Variants in TAF9 observed in about 807,000 individuals in gnomAD.
TAF9 encodes transcription initiation factor TFIID subunit 9.
In TAF9, 10 loss-of-function variants were observed where a neutral mutation model predicts 16.5. The ratio of observed to expected loss-of-function variants is 0.61; its 90% CI spans 0.37 to 1.03. The LOEUF (loss-of-function observed/expected upper bound fraction) is 1.03, where lower values mean the gene tolerates loss of function less well. Ranked by LOEUF, TAF9 falls within the 50% of genes least tolerant of loss-of-function variation. The probability of loss-of-function intolerance (pLI) is 0.01; values close to 1 mark genes in which losing one functional copy is unlikely to be tolerated. For synonymous variants in TAF9, 105 were observed against 120.5 expected, an observed-to-expected ratio of 0.87 and a Z score of 0.84; for missense variants, 288 against 319.1, an observed-to-expected ratio of 0.90 and a Z score of 0.74.
At chr5:69,369,424 C>A (rs1245333945) in intron 1 of TAF9, 39 bp downstream of exon 1, 2 of 1,603,958 alleles carry the variant, frequency 1.2e-6, no homozygotes, top group African/African-American at 1.3e-5. Context: ...GCGCCCCCAG[C>A]CTGCCCCAGC....
chr5:69,369,083 G>A, intron 1 of TAF9: 1 of 330,758 alleles, frequency 3.0e-6, no homozygotes. Flanking sequence ...CCGGGAAGCA[G>A]ATATGGCCTT....
In TAF9 at chr5:69,365,286, C is replaced by T. The variant is rs1762372301; in HGVS notation, c.452G>A (p.Gly151Asp). The change falls in exon 3 of 3, where the codon GGT becomes GAT. Residue 151 changes from glycine to aspartate, a missense_variant. By Grantham distance (94) the Gly-to-Asp change is moderately conservative. Transcript: ENST00000217893. Reference sequence around the variant, plus strand: ...AGTACTTGGTCTGCTAGTAACTGAACCAACACTTAACCGCGGGACTGTTAT... The same window carrying T: ...AGTACTTGGTCTGCTAGTAACTGAATCAACACTTAACCGCGGGACTGTTAT... ...GRITVPRLSV[G>D]SVTSRPSTPT... The T allele has an allele frequency of 6.2e-7, 1 of 1,614,052 alleles. No homozygotes were observed. The highest frequency in any genetic ancestry group is 1.7e-5 in the Admixed American group (1 of 59,986).
At position 69,365,260 on chromosome 5, in the gene TAF9, G is replaced by A. The variant is rs372574875; in HGVS notation, c.478C>T (p.Pro160Ser). ...VGSVTSRPST[P>S]TLGTPTPQTM... ...TGTGGGGTTGGTGTGCCTAGTGTGG[G>A]AGTACTTGGTCTGCTAGTAACTGAA... Residue 160 changes from proline (P) to serine (S), a missense_variant, in exon 3 of 3, where the codon CCC (proline) becomes TCC (serine). Physicochemically the swap from Pro to Ser is moderately conservative, Grantham distance 74. Coordinates refer to ENST00000217893, the MANE Select transcript of TAF9 (RefSeq NM_003187.5). 1 of 1,614,154 alleles carries A rather than the reference G, an allele frequency of 6.2e-7. No individual in the cohort carries two copies. The highest frequency in any genetic ancestry group is 8.5e-7 in the Non-Finnish European group (1 of 1,180,028).
chr5:69,368,727 C>T (rs1041990819), intron 1 of TAF9: 1 of 152,120 alleles, frequency 6.6e-6, no homozygotes, highest in Non-Finnish European at 1.5e-5. Context: ...CACGAATGGC[C>T]TACAATTTGA....
At position 69,365,760 on chromosome 5, in the gene TAF9, G is replaced by A. The variant is rs1762393793; in HGVS notation, c.-17-6C>T. On this transcript the variant is annotated splice_region_variant and splice_polypyrimidine_tract_variant and intron_variant, in intron 2 of 2. Transcript: ENST00000217893. The stretch of plus-strand genomic sequence containing the variant: ...CATGATATCCGATGATCAGACTTTA[G>A]ATCATTTGAAAAAAATATGTACATT... 1.3e-6 allele frequency: 2 copies of A among 1,498,746 alleles called. No homozygotes were observed. Among genetic ancestry groups the A allele is most frequent in the South Asian group, 2.9e-5 (2 of 70,002 alleles). 92.8% of individuals were successfully genotyped at this position (1,498,746 alleles called of 1,614,324 possible). A position where few individuals can be genotyped will look rare whatever the true frequency, so the allele number is the denominator to read the frequency against.
At chr5:69,365,843 A>C (rs1330530937) in intron 2 of TAF9, 89 bp from the exon 3 acceptor site, 4 of 998,450 alleles carry the variant, frequency 4.0e-6, no homozygotes, top group South Asian at 2.9e-5. Flanking sequence ...AAAAATTTTA[A>C]ATCTATGTTA....
rs2150738303 is a variant in TAF9, at chr5:69,365,047, T to C, written c.691A>G (p.Met231Val). The C allele has an allele frequency of 6.2e-7, 1 of 1,614,216 alleles. No homozygotes were observed. The highest frequency in any genetic ancestry group is 8.5e-7 in the Non-Finnish European group (1 of 1,180,014). ...SKNILITTNM[M>V]SSQNTANESS... is the part of the protein sequence containing the mutation. ...TCATTGGCAGTATTTTGTGATGACA[T>C]CATATTAGTGGTAATAAGAATGTTT... Residue 231 changes from methionine to valine, a missense_variant, in exon 3 of 3, where the codon ATG becomes GTG. Met to Val is a conservative substitution (Grantham distance 21, BLOSUM62 1). Transcript: ENST00000217893.
rs756811975 is a variant in TAF9 at position 69,365,149 on chromosome 5, G to A, written c.589C>T (p.Pro197Ser). Reference protein sequence around the residue: ...FTVQMPTSQSPAVKASIPATS... With the variant: ...FTVQMPTSQSSAVKASIPATS... Reference sequence around the variant, plus strand: ...GCAGGAATTGAAGCTTTTACAGCTGGAGACTGAGAAGTAGGCATCTGTACT... The same window carrying A: ...GCAGGAATTGAAGCTTTTACAGCTGAAGACTGAGAAGTAGGCATCTGTACT... The change falls in exon 3 of 3, where the codon CCA (proline) becomes TCA (serine). Residue 197 changes from proline to serine, a missense_variant. Physicochemically the swap from Pro to Ser is moderately conservative, Grantham distance 74. Transcript: ENST00000217893. The A allele has an allele frequency of 1.5e-5, 24 of 1,614,072 alleles. No individual in the cohort carries two copies. Among genetic ancestry groups the A allele is most frequent in the Non-Finnish European group, 1.7e-5 (20 of 1,180,028 alleles).
upstream of TAF9, chr5:69,369,583 G>A (rs1022546461): frequency 9.4e-6 from 15 of 1,598,542 alleles, no homozygotes; most frequent in African/African-American, 1.3e-5. Context: ...AAAAGCCCAC[G>A]GCCCCAAAGG....
At chr5:69,367,028 G>A (rs1365216426) in intron 1 of TAF9, among the ~76,000 whole-genome samples, 2 of 151,916 alleles carry the variant, frequency 1.3e-5, no homozygotes, top group Non-Finnish European at 2.9e-5. Context: ...TAAAGTGCTG[G>A]GATTACAGGC....
chr5:69,369,562 C>G (rs1349865748), upstream of TAF9: 32 of 1,607,404 alleles, frequency 2.0e-5, no homozygotes, highest in Non-Finnish European at 2.5e-5. Flanking sequence ...CCGGAAGGGG[C>G]GGGCGGCAGC....
Position 69,365,648 on chromosome 5 carries a change from T to C in TAF9, c.90A>G (p.Glu30=). 2 of 1,613,786 alleles carry C rather than the reference T, an allele frequency of 1.2e-6. No individual in the cohort carries two copies. The highest frequency in any genetic ancestry group is 1.7e-6 in the Non-Finnish European group (2 of 1,179,796). The part of the protein sequence containing the change: ...AQILKDMGIT[E]YEPRVINQML... ...TCTGATTTATAACTCTTGGCTCATA[T>C]TCTGTAATCCCCATATCCTTCAGGA... Residue 30 remains glutamate, a synonymous_variant, in exon 3 of 3, where the codon GAA becomes GAG. Transcript: ENST00000217893.
chr5:69,365,603 T>C lies in TAF9; in HGVS notation c.135A>G (p.Arg45=). ...VINQMLEFAF[R]YVTTILDDAK... is the part of the protein sequence containing the mutation. ...CATCATCTAGAATTGTGGTCACATA[T>C]CGGAAGGCAAACTCCAACATCTGAT... Residue 45 remains arginine, a synonymous_variant, in exon 3 of 3, where the codon CGA becomes CGG. Coordinates refer to ENST00000217893, the MANE Select transcript of TAF9 (RefSeq NM_003187.5). 1.2e-6 allele frequency: 2 copies of C among 1,614,098 alleles called. No homozygotes were observed.
chr5:69,369,758 T>C, upstream of TAF9: 1 of 1,486,734 alleles, frequency 6.7e-7, no homozygotes, highest in Non-Finnish European at 9.2e-7. Flanking sequence ...AGTCACACAC[T>C]CCTTCGGTGG....
At position 69,364,957 on chromosome 5, in the gene TAF9, A is replaced by AGTCATCATC; in HGVS notation, c.772_780dup (p.Asp258_Asp260dup). 2 of 1,611,020 alleles carry AGTCATCATC rather than the reference A, an allele frequency of 1.2e-6. No homozygotes were observed. Among genetic ancestry groups the AGTCATCATC allele is most frequent in the Middle Eastern group, 3.3e-4 (2 of 6,034 alleles). ...GCAAGGCTAGATTACAGATTATCAT[A>AGTCATCATC]GTCATCATCATCATCATCGTCATCA... is the stretch of plus-strand genomic sequence containing the variant. On this transcript the variant is annotated inframe_insertion, in exon 3 of 3. Transcript: ENST00000217893.
chr5:69,369,666 G>C, upstream of TAF9: 1 of 1,558,074 alleles, frequency 6.4e-7, no homozygotes. Flanking sequence ...CCTGGCTTTC[G>C]ATGACACATT....
chr5:69,369,429 C>T, intron 1 of TAF9, 34 bp downstream of exon 1: 1 of 1,607,364 alleles, frequency 6.2e-7, no homozygotes, highest in African/African-American at 1.3e-5. Flanking sequence ...CCCAGCCTGC[C>T]CCAGCCCAGT....
intron 1 of TAF9, among the ~76,000 whole-genome samples, chr5:69,368,662 AAG>A (rs1403674319): frequency 4.6e-5 from 7 of 152,234 alleles, no homozygotes; most frequent in African/African-American, 1.7e-4. Context: ...TGTTCCCACA[AAG>A]AGTCTTAATT....
intron 1 of TAF9, chr5:69,368,683 C>T (rs549299321): frequency 6.6e-6 from 1 of 152,136 alleles, no homozygotes; most frequent in Non-Finnish European, 1.5e-5. Flanking sequence ...TTTTTCTGTA[C>T]CTTGCAATAA....
Sources: allele counts gnomAD v4.1 joint callset (sites outside exome capture counted in the v4.1 genomes callset), GRCh38; gene constraint gnomAD v4.1.1; transcripts MANE v1.5; gene names NCBI Gene and HGNC (gene_info 2026-07-23, HGNC 2026-07-21).